Variants in ATP1A4 observed in about 807,000 individuals in gnomAD.
ATP1A4 encodes the protein ATPase Na+/K+ transporting subunit alpha 4, also known as sodium/potassium-transporting ATPase subunit alpha-4.
In ATP1A4, 90 loss-of-function variants were observed where a neutral mutation model predicts 114.3. The ratio of observed to expected loss-of-function variants is 0.79; its 90% CI spans 0.66 to 0.94. The LOEUF (loss-of-function observed/expected upper bound fraction) is 0.94. Among genes scored for constraint, ATP1A4 ranks in the 40% least tolerant of loss-of-function variants. ATP1A4 has a pLI of 0.00. For missense variants in ATP1A4, 1,222 were observed against 1,313.6 expected (o/e 0.93, Z 1.08); for synonymous variants, 511 against 494.1 (o/e 1.03, Z -0.45).
At chr1:160,176,786 A>G (rs17368598) in intron 17 of ATP1A4, among the ~76,000 whole-genome samples, 184 bp downstream of exon 17, 27,688 of 152,236 alleles carry the variant, frequency 0.18, 2,790 homozygotes, top group Admixed American at 0.28. Flanking sequence ...TACAAAAGGA[A>G]CAAACATACA....
intron 7 of ATP1A4, 87 bp downstream of exon 7, chr1:160,164,511 C>A: frequency 1.4e-6 from 2 of 1,407,080 alleles, no homozygotes. Flanking sequence ...GTTGTTGAAC[C>A]TTTCAAGTGC....
At chr1:160,180,993 C>T (rs1005940186) in intron 18 of ATP1A4, among the ~76,000 whole-genome samples, 4 of 152,202 alleles carry the variant, frequency 2.6e-5, no homozygotes, top group Non-Finnish European at 5.9e-5. Context: ...GGATTACAGG[C>T]ATGAGCCACC....
Position 160,153,165 on chromosome 1 carries a change from G to A in ATP1A4, c.148G>A (p.Asp50Asn). 6.2e-7 allele frequency: 1 copy of A among 1,613,866 alleles called. No homozygotes were observed. Among genetic ancestry groups the A allele is most frequent in the Non-Finnish European group, 8.5e-7 (1 of 1,179,872 alleles). The change falls in exon 2 of 22, where the codon GAT becomes AAT. Residue 50 changes from aspartate (D) to asparagine (N), a missense_variant and splice_region_variant. Coordinates refer to ENST00000368081, the MANE Select transcript of ATP1A4 (RefSeq NM_144699.4). ...MEELKKEVVMDDHKLTLEELS... is the reference protein window; with the variant it reads ...MEELKKEVVMNDHKLTLEELS... The stretch of plus-strand genomic sequence containing the variant: ...CTCAATGCCTCTACTGTCCCCTCAG[G>A]ATGATCACAAATTAACCTTGGAAGA...
intron 11 of ATP1A4, 52 bp downstream of exon 11, chr1:160,171,492 A>G (rs752148321): frequency 1.3e-5 from 21 of 1,605,456 alleles, no homozygotes; most frequent in Non-Finnish European, 1.5e-5. Flanking sequence ...AATGGTTATT[A>G]TCCCTGGGGT....
intron 10 of ATP1A4, 41 bp from the exon 11 acceptor site, chr1:160,171,210 C>T: frequency 1.9e-6 from 3 of 1,547,342 alleles, no homozygotes; most frequent in Non-Finnish European, 2.6e-6. Context: ...GATCCTTGGT[C>T]TCTCCTCCTG....
chr1:160,171,955 G>A (rs924420636), intron 12 of ATP1A4, among the ~76,000 whole-genome samples, 198 bp downstream of exon 12: 9 of 152,172 alleles, frequency 5.9e-5, no homozygotes, highest in Admixed American at 1.3e-4. Context: ...AGAATCACCA[G>A]GGAGGCTTTA....
Position 160,171,625 on chromosome 1 carries a change from A to T in ATP1A4, c.1722A>T (p.Gly574=). The T allele has an allele frequency of 6.2e-7, 1 of 1,613,998 alleles. No homozygotes were observed. Among genetic ancestry groups the T allele is most frequent in the Non-Finnish European group, 8.5e-7 (1 of 1,179,996 alleles). ...ATCTGCCTAGCAGCTTCTCCAAGGG[A>T]TTCCCATTTAATACAGATGAAATAA... The part of the protein sequence containing the change: ...FLNLPSSFSK[G]FPFNTDEINF... The change falls in exon 12 of 22, where the codon GGA becomes GGT. Residue 574 remains glycine (G), a synonymous_variant. Coordinates refer to ENST00000368081, the MANE Select transcript of ATP1A4 (RefSeq NM_144699.4).
Position 160,167,060 on chromosome 1 carries a change from A to G in ATP1A4, c.1339A>G (p.Ile447Val), listed in dbSNP as rs1653066769. Residue 447 changes from isoleucine to valine, a missense_variant, in exon 9 of 22, where the codon ATC becomes GTC. Coordinates refer to ENST00000368081, the MANE Select transcript of ATP1A4 (RefSeq NM_144699.4). ...NRADFKANQE[I>V]LPIAKRATTG... The stretch of plus-strand genomic sequence containing the variant: ...GGCTGACTTTAAGGCTAATCAGGAG[A>G]TCCTGCCCATTGCTAAGGTGTCAGG... The G allele has an allele frequency of 6.2e-7, 1 of 1,614,010 alleles. No homozygotes were observed. The highest frequency in any genetic ancestry group is 1.7e-5 in the Admixed American group (1 of 60,010).
At chr1:160,163,155 G>A (rs1652915970) in intron 6 of ATP1A4, among the ~76,000 whole-genome samples, 1 of 151,454 alleles carries the variant, frequency 6.6e-6, no homozygotes, top group South Asian at 2.1e-4. Flanking sequence ...ATCTCTGATG[G>A]AAAAAACAAG....
intron 2 of ATP1A4, among the ~76,000 whole-genome samples, chr1:160,154,041 T>C (rs910066239): frequency 2.0e-5 from 3 of 152,194 alleles, no homozygotes; most frequent in Non-Finnish European, 4.4e-5. Flanking sequence ...TATGCATTCA[T>C]GTTTTTTGTT....
rs910788002 is a variant in ATP1A4, at chr1:160,177,753, G to A, written c.2736+89G>A. 9 of 1,475,134 alleles carry A rather than the reference G, an allele frequency of 6.1e-6. No individual in the cohort carries two copies. The Admixed American group carries it at 1.7e-4, about 27-fold the overall frequency. 91.4% of individuals were successfully genotyped at this position (1,475,134 alleles called of 1,614,324 possible). A position where few individuals can be genotyped will look rare whatever the true frequency, so the allele number is the denominator to read the frequency against. On this transcript the variant is annotated intron_variant, in intron 18 of 21. Transcript: ENST00000368081. ...GTGCAGCAAATTTTTTAAGAGAGAA[G>A]AAGGGAAGCACCACACAAACAGAGC...
At chr1:160,169,341 T>C (rs1653154614) in intron 10 of ATP1A4, among the ~76,000 whole-genome samples, 1 of 152,222 alleles carries the variant, frequency 6.6e-6, no homozygotes, top group Admixed American at 6.5e-5. Flanking sequence ...TATATGTAAT[T>C]TTCTATCAAG....
Position 160,186,765 on chromosome 1 carries a change from T to C in ATP1A4, c.*66T>C. The C allele has an allele frequency of 6.6e-7, 1 of 1,517,836 alleles. No homozygotes were observed. The highest frequency in any genetic ancestry group is 9.0e-7 in the Non-Finnish European group (1 of 1,106,162). The allele number at this position is 1,517,836 out of a possible 1,614,324, so 94.0% of individuals were successfully genotyped here. A position where few individuals can be genotyped will look rare whatever the true frequency, so the allele number is the denominator to read the frequency against. ...TGAGAGCTGGGATGGGGCCAGAGAT[T>C]ATAAGTTTGACACAACATCTGAGAC... is the stretch of plus-strand genomic sequence containing the variant. On this transcript the variant is annotated 3_prime_UTR_variant, in exon 22 of 22. Transcript: ENST00000368081.
chr1:160,186,413 C>T (rs1420175456), intron 21 of ATP1A4, 46 bp downstream of exon 21: 4 of 1,423,166 alleles, frequency 2.8e-6, no homozygotes, highest in Admixed American at 3.4e-5. Flanking sequence ...TCACCAGCCC[C>T]CTCACTAGCT....
chr1:160,161,803 T>C (rs1453432740), intron 6 of ATP1A4, among the ~76,000 whole-genome samples: 1 of 152,178 alleles, frequency 6.6e-6, no homozygotes, highest in Non-Finnish European at 1.5e-5. Flanking sequence ...ACCTGACCTG[T>C]CTGCTCCTCG....
intron 4 of ATP1A4, among the ~76,000 whole-genome samples, chr1:160,156,410 C>A (rs1345607589): frequency 7.1e-6 from 1 of 140,758 alleles, no homozygotes; most frequent in Non-Finnish European, 1.5e-5. Flanking sequence ...AAACACCATA[C>A]AAACCCCAAA....
chr1:160,164,095 C>T (rs1017313672), intron 6 of ATP1A4, 61 bp from the exon 7 acceptor site: 2 of 1,571,928 alleles, frequency 1.3e-6, no homozygotes, highest in Non-Finnish European at 1.7e-6. Flanking sequence ...GGGCAGAGAC[C>T]AATATCTATA....
At chr1:160,163,194 C>A (rs940338652) in intron 6 of ATP1A4, among the ~76,000 whole-genome samples, 1 of 152,026 alleles carries the variant, frequency 6.6e-6, no homozygotes, top group Non-Finnish European at 1.5e-5. Flanking sequence ...TCTACACTCA[C>A]GCTGAACACA....
intron 1 of ATP1A4, 49 bp downstream of exon 1, chr1:160,152,236 C>T (rs1426008345): frequency 5.1e-6 from 8 of 1,583,960 alleles, no homozygotes; most frequent in Non-Finnish European, 6.0e-6. Context: ...GAAAACACTC[C>T]TCCACCTATC....
Sources: allele counts gnomAD v4.1 joint callset (sites outside exome capture counted in the v4.1 genomes callset), GRCh38; gene constraint gnomAD v4.1.1; transcripts MANE v1.5; gene names NCBI Gene and HGNC (gene_info 2026-07-23, HGNC 2026-07-21).